Variants in NABP2 observed in about 807,000 individuals in gnomAD.
The protein encoded by NABP2 is SOSS complex subunit B1.
Under a neutral mutation model 22.7 loss-of-function variants are expected in NABP2, and 7 were observed. That is an observed-to-expected ratio of 0.31 (90% CI 0.18 to 0.58). The LOEUF (loss-of-function observed/expected upper bound fraction) is 0.58, where lower values mean the gene tolerates loss of function less well. NABP2 is among the 20% of genes least tolerant of loss of function. The probability of loss-of-function intolerance (pLI) is 0.89; values close to 1 mark genes in which losing one functional copy is unlikely to be tolerated. For synonymous variants in NABP2, 107 were observed against 99.2 expected, an observed-to-expected ratio of 1.08 and a Z score of -0.47; for missense variants, 188 against 265.9, an observed-to-expected ratio of 0.71 and a Z score of 2.04.
At chr12:56,224,313 C>T (rs751154199), upstream of NABP2, 3 of 987,434 alleles carry the variant, frequency 3.0e-6, no homozygotes, top group Non-Finnish European at 3.6e-6. Flanking sequence ...CCGGAGGAGG[C>T]CAGCCGGGGG....
Position 56,229,137 on chromosome 12 carries a change from C to A in NABP2, c.560C>A (p.Thr187Lys), listed in dbSNP as rs1869977025. 6.2e-6 allele frequency: 10 copies of A among 1,605,802 alleles called. No homozygotes were observed. Among genetic ancestry groups the A allele is most frequent in the Non-Finnish European group, 8.5e-6 (10 of 1,177,344 alleles). Residue 187 changes from threonine (T) to lysine (K), a missense_variant, in exon 7 of 7, where the codon ACA (threonine) becomes AAA (lysine). Transcript: ENST00000267023. ...TRITRSQPNHTPAGPPGPSSN... is the reference protein window; with the variant it reads ...TRITRSQPNHKPAGPPGPSSN... Reference sequence around the variant, plus strand: ...ATCACTCGAAGCCAGCCCAACCACACACCTGCAGGCCCGCCTGGCCCTTCC... The same window carrying A: ...ATCACTCGAAGCCAGCCCAACCACAAACCTGCAGGCCCGCCTGGCCCTTCC...
rs142692738 is a variant in NABP2 at position 56,226,096 on chromosome 12, C to T, written c.291-83C>T. On this transcript the variant is annotated intron_variant, in intron 4 of 6. Transcript: ENST00000267023. ...GGATTACAGGTGTGAGTGACCACAC[C>T]GAACCTATCTGGACTTTTCTGAGGC... 326 of 1,276,792 alleles carry T rather than the reference C, an allele frequency of 2.6e-4. 1 individual carries two copies. In the African/African-American group the frequency reaches 4.2e-3, roughly 17 times the overall value. 79.1% of individuals were successfully genotyped at this position (1,276,792 alleles called of 1,614,324 possible). A position where few individuals can be genotyped will look rare whatever the true frequency, so the allele number is the denominator to read the frequency against.
chr12:56,223,215 T>C (rs1869582822), upstream of NABP2, among the ~76,000 whole-genome samples: 1 of 151,996 alleles, frequency 6.6e-6, no homozygotes, highest in South Asian at 2.1e-4. Flanking sequence ...CACTCCAACC[T>C]GGGCGACAGA....
chr12:56,229,087 T>TACCCCCCCCCC lies in NABP2; in HGVS notation c.510_511insACCCCCCCCCC (p.Pro171ThrfsTer66). ...GTGGTGGCCCACATCCCCCTCATACTCCCTCCCACCCACCCAGCACCCGAA... is the reference window on the plus strand; with the variant it reads ...GTGGTGGCCCACATCCCCCTCATACTACCCCCCCCCCCCCTCCCACCCACCCAGCACCCGAA... On this transcript the variant is annotated frameshift_variant, in exon 7 of 7. Coordinates refer to ENST00000267023, the MANE Select transcript of NABP2 (RefSeq NM_024068.4). LOFTEE classifies it high-confidence loss of function. The TACCCCCCCCCC allele has an allele frequency of 2.0e-6, 3 of 1,512,340 alleles. No homozygotes were observed. The highest frequency in any genetic ancestry group is 1.8e-6 in the Non-Finnish European group (2 of 1,102,010). The allele number at this position is 1,512,340 out of a possible 1,614,324, so 93.7% of individuals were successfully genotyped here.
upstream of NABP2, among the ~76,000 whole-genome samples, chr12:56,222,983 C>G (rs972197744): frequency 6.6e-6 from 1 of 152,098 alleles, no homozygotes; most frequent in Admixed American, 6.6e-5. Flanking sequence ...TGCCTTTAAT[C>G]CCAACACTTT....
Position 56,229,087 on chromosome 12 carries a change from T to TTGCCCGCCC in NABP2, c.510_511insTGCCCGCCC (p.Thr170_Pro171insCysProPro). 10 of 1,512,330 alleles carry TTGCCCGCCC rather than the reference T, an allele frequency of 6.6e-6. No individual in the cohort carries two copies. The highest frequency in any genetic ancestry group is 1.8e-5 in the Admixed American group (1 of 56,982). The allele number at this position is 1,512,330 out of a possible 1,614,324, so 93.7% of individuals were successfully genotyped here. The stretch of plus-strand genomic sequence containing the variant: ...GTGGTGGCCCACATCCCCCTCATAC[T>TTGCCCGCCC]CCCTCCCACCCACCCAGCACCCGAA... On this transcript the variant is annotated inframe_insertion, in exon 7 of 7. Transcript: ENST00000267023.
chr12:56,228,868 G>A, intron 6 of NABP2, 146 bp from the exon 7 acceptor site: 1 of 731,388 alleles, frequency 1.4e-6, no homozygotes, highest in East Asian at 2.7e-5. Context: ...GCAGCCCACA[G>A]TCTTTTGCAT....
At chr12:56,228,400 T>A (rs77749043) in intron 6 of NABP2, among the ~76,000 whole-genome samples, 2 of 150,898 alleles carry the variant, frequency 1.3e-5, no homozygotes, top group African/African-American at 2.4e-5. Context: ...TTTTTTTTTT[T>A]AATTGAGAAG....
rs751452672 is a variant in NABP2 at position 56,226,356 on chromosome 12, G to T, written c.373G>T (p.Val125Leu). 1 of 1,613,846 alleles carries T rather than the reference G, an allele frequency of 6.2e-7. No homozygotes were observed. Among genetic ancestry groups the T allele is most frequent in the African/African-American group, 1.3e-5 (1 of 74,876 alleles). The change falls in exon 6 of 7, where the codon GTG becomes TTG. Residue 125 changes from valine (V) to leucine (L), a missense_variant and splice_region_variant. By Grantham distance (32) the Val-to-Leu change is conservative. Coordinates refer to ENST00000267023, the MANE Select transcript of NABP2 (RefSeq NM_024068.4). The stretch of plus-strand genomic sequence containing the variant: ...CTGAATATGTAATCTGTGCCTTCAG[G>T]TGCAGAACGACAGCAACCCTTCAGC... ...YSTQQAPNKA[V>L]QNDSNPSASQ...
upstream of NABP2, chr12:56,224,270 G>A: frequency 6.3e-6 from 6 of 947,180 alleles, no homozygotes; most frequent in Non-Finnish European, 7.6e-6. Flanking sequence ...GCAGGCGGCG[G>A]GACGCAGGGC....
At position 56,224,431 on chromosome 12, in the gene NABP2, G is replaced by T; in HGVS notation, c.-34G>T. ...GCTCAGCGGCGTGCACAGTCCTGCC[G>T]GCTGGCTTGGGTGGGTGGTGGGCTG... On this transcript the variant is annotated 5_prime_UTR_variant, in exon 1 of 7. Coordinates refer to ENST00000267023, the MANE Select transcript of NABP2 (RefSeq NM_024068.4). 1 of 1,026,218 alleles carries T rather than the reference G, an allele frequency of 9.7e-7. No homozygotes were observed. Among genetic ancestry groups the T allele is most frequent in the Non-Finnish European group, 1.2e-6 (1 of 850,136 alleles). 63.6% of individuals were successfully genotyped at this position (1,026,218 alleles called of 1,614,324 possible).
chr12:56,228,069 A>G (rs1021212785), intron 6 of NABP2, among the ~76,000 whole-genome samples: 2 of 152,000 alleles, frequency 1.3e-5, no homozygotes, highest in African/African-American at 4.8e-5. Flanking sequence ...GCTCATGCCT[A>G]TAATCCCAGC....
chr12:56,229,559 A>T lies in NABP2; in HGVS notation c.*346A>T. 1 of 244,498 alleles carries T rather than the reference A, an allele frequency of 4.1e-6. No homozygotes were observed. Among genetic ancestry groups the T allele is most frequent in the Non-Finnish European group, 8.1e-6 (1 of 123,956 alleles). The allele number at this position is 244,498 out of a possible 1,614,324, so 15.1% of individuals were successfully genotyped here. On this transcript the variant is annotated 3_prime_UTR_variant, in exon 7 of 7. Coordinates refer to ENST00000267023, the MANE Select transcript of NABP2 (RefSeq NM_024068.4). ...AGACCAGCCTGACCAACATGGAGAA[A>T]CCCCGTGTCTACTAAAAATACAGAA...
At chr12:56,227,669 C>G (rs568235177) in intron 6 of NABP2, among the ~76,000 whole-genome samples, 2 of 152,098 alleles carry the variant, frequency 1.3e-5, no homozygotes, top group South Asian at 4.1e-4. Flanking sequence ...AAAATATAAG[C>G]CAGACGCAGC....
chr12:56,229,087 T>TTGCCCCCCCCCCCCCC lies in NABP2; in HGVS notation c.510_511insTGCCCCCCCCCCCCCC (p.Pro171CysfsTer35). Reference sequence around the variant, plus strand: ...GTGGTGGCCCACATCCCCCTCATACTCCCTCCCACCCACCCAGCACCCGAA... The same window carrying TTGCCCCCCCCCCCCCC: ...GTGGTGGCCCACATCCCCCTCATACTTGCCCCCCCCCCCCCCCCCTCCCACCCACCCAGCACCCGAA... On this transcript the variant is annotated frameshift_variant, in exon 7 of 7. Transcript: ENST00000267023. LOFTEE classifies it high-confidence loss of function. 1.3e-6 allele frequency: 2 copies of TTGCCCCCCCCCCCCCC among 1,512,334 alleles called. No homozygotes were observed. Among genetic ancestry groups the TTGCCCCCCCCCCCCCC allele is most frequent in the South Asian group, 1.2e-5 (1 of 84,152 alleles). 93.7% of individuals were successfully genotyped at this position (1,512,334 alleles called of 1,614,324 possible).
chr12:56,229,087 T>TTGCGGCCCCCC lies in NABP2; in HGVS notation c.510_511insTGCGGCCCCCC (p.Pro171CysfsTer66). On this transcript the variant is annotated frameshift_variant, in exon 7 of 7. Transcript: ENST00000267023. LOFTEE classifies it high-confidence loss of function. ...GTGGTGGCCCACATCCCCCTCATAC[T>TTGCGGCCCCCC]CCCTCCCACCCACCCAGCACCCGAA... 5 of 1,512,332 alleles carry TTGCGGCCCCCC rather than the reference T, an allele frequency of 3.3e-6. No individual in the cohort carries two copies. Among genetic ancestry groups the TTGCGGCCCCCC allele is most frequent in the Non-Finnish European group, 4.5e-6 (5 of 1,102,000 alleles). The allele number at this position is 1,512,332 out of a possible 1,614,324, so 93.7% of individuals were successfully genotyped here.
Position 56,224,342 on chromosome 12 carries a change from G to A in NABP2, c.-123G>A, listed in dbSNP as rs954180036. 4.1e-6 allele frequency: 4 copies of A among 987,436 alleles called. No homozygotes were observed. In the African/African-American group the frequency reaches 7.0e-5, roughly 17 times the overall value. The allele number at this position is 987,436 out of a possible 1,614,324, so 61.2% of individuals were successfully genotyped here. On this transcript the variant is annotated 5_prime_UTR_variant, in exon 1 of 7. Coordinates refer to ENST00000267023, the MANE Select transcript of NABP2 (RefSeq NM_024068.4). ...CCGGGGGAAACTTCCGGGAATGTCC[G>A]CACTCCCGCGTTCCACGGGGCAGCA...
At chr12:56,224,630 G>T in intron 1 of NABP2, 189 bp downstream of exon 1, 1 of 1,122,056 alleles carries the variant, frequency 8.9e-7, no homozygotes. Context: ...GGGCCTTCCA[G>T]CCCCAAAGCA....
chr12:56,226,898 T>C (rs1431187008), intron 6 of NABP2, among the ~76,000 whole-genome samples: 2 of 151,286 alleles, frequency 1.3e-5, no homozygotes, highest in African/African-American at 4.8e-5. Context: ...TAATTTTTTG[T>C]ATTTTAGTAG....
Sources: gnomAD v4.1 joint callset for allele counts (sites outside exome capture counted in the v4.1 genomes callset) on GRCh38, gnomAD v4.1.1 for gene constraint, MANE v1.5 for transcripts, NCBI Gene and HGNC (gene_info 2026-07-23, HGNC 2026-07-21) for gene names.